Variants in CEP55 observed in about 807,000 individuals in gnomAD.
CEP55 encodes centrosomal protein of 55 kDa.
In CEP55, 57 loss-of-function variants were observed where a neutral mutation model predicts 63.2. That is an observed-to-expected ratio of 0.90 (90% CI 0.73 to 1.13). The LOEUF is 1.13. CEP55 is among the 50% of genes most tolerant of loss of function. The probability of loss-of-function intolerance (pLI) is 0.00; values close to 1 mark genes in which losing one functional copy is unlikely to be tolerated. For synonymous variants in CEP55, 178 were observed against 191.6 expected (o/e 0.93, Z 0.59); for missense variants, 456 against 518.9 (o/e 0.88, Z 1.18).
intron 3 of CEP55, among the ~76,000 whole-genome samples, chr10:93,506,205 G>A (rs1168814906): frequency 6.6e-6 from 1 of 152,082 alleles, no homozygotes; most frequent in Non-Finnish European, 1.5e-5. Context: ...CCCTCCCAAA[G>A]TGTTGGGATT....
chr10:93,497,172 G>A (rs1191231387), intron 1 of CEP55, among the ~76,000 whole-genome samples: 1 of 152,186 alleles, frequency 6.6e-6, no homozygotes, highest in Non-Finnish European at 1.5e-5. Context: ...GCTTGTAATT[G>A]AGGCCTTGTA....
intron 8 of CEP55, among the ~76,000 whole-genome samples, chr10:93,523,700 C>T (rs1333362127): frequency 6.6e-6 from 1 of 152,146 alleles, no homozygotes; most frequent in Non-Finnish European, 1.5e-5. Context: ...TAAAACACTC[C>T]TCAGCAAATG....
At chr10:93,513,590 T>C (rs918456302) in intron 4 of CEP55, among the ~76,000 whole-genome samples, 2 of 152,038 alleles carry the variant, frequency 1.3e-5, no homozygotes, top group Admixed American at 1.3e-4. Flanking sequence ...CAGATTGAAA[T>C]TAAATAGAAG....
rs72820920 is a variant in CEP55, at chr10:93,498,514, A to G, written c.-12-1526A>G. ...CTTTAACTGATGGATGAGCTACTGC[A>G]ATCTTTCACCTTATAATGGCAAAAA... On this transcript the variant is annotated intron_variant, in intron 1 of 8. Coordinates refer to ENST00000371485, the MANE Select transcript of CEP55 (RefSeq NM_018131.5). 5.0e-3 allele frequency among the ~76,000 whole-genome samples: 769 copies of G among 152,292 alleles called. 8 individuals are homozygous for G. Among genetic ancestry groups the G allele is most frequent in the Non-Finnish European group, 9.2e-3 (626 of 68,030 alleles).
At chr10:93,507,204 C>A in intron 4 of CEP55, 148 bp downstream of exon 4, 2 of 488,516 alleles carry the variant, frequency 4.1e-6, no homozygotes, top group Non-Finnish European at 3.6e-6. Context: ...ATTCGAGAAT[C>A]ATTTCTTCTA....
At chr10:93,520,120 T>C in intron 8 of CEP55, 6 of 342,552 alleles carry the variant, frequency 1.8e-5, no homozygotes, top group South Asian at 1.7e-4. Flanking sequence ...ACTGAAATTG[T>C]GTTTATCTAT....
chr10:93,519,055 G>A (rs1204354360), intron 7 of CEP55, 107 bp downstream of exon 7: 1 of 778,012 alleles, frequency 1.3e-6, no homozygotes, highest in Non-Finnish European at 2.2e-6. Context: ...TGTGAAAAGT[G>A]TCTTTAAAAG....
chr10:93,511,110 T>G (rs573222650), intron 4 of CEP55, among the ~76,000 whole-genome samples: 1 of 152,154 alleles, frequency 6.6e-6, no homozygotes, highest in East Asian at 1.9e-4. Flanking sequence ...GGCTAATTTT[T>G]TTTTATTTTT....
intron 6 of CEP55, among the ~76,000 whole-genome samples, chr10:93,517,536 T>A (rs2057817483): frequency 6.6e-6 from 1 of 152,200 alleles, no homozygotes; most frequent in African/African-American, 2.4e-5. Flanking sequence ...GGGTGACTTT[T>A]CCTCTCAATG....
rs7073952 is a variant in CEP55, at chr10:93,521,116, C to T, written c.1191+1309C>T. 5.0e-3 allele frequency among the ~76,000 whole-genome samples: 761 copies of T among 152,132 alleles called. 14 individuals are homozygous for T. The highest frequency in any genetic ancestry group is 0.018 in the African/African-American group (728 of 41,534). ...GGGGACTGTCAGACAGTGGATGCAGCGCACCGAGCGTGAACCGAAGCAGGG... is the reference window on the plus strand; with the variant it reads ...GGGGACTGTCAGACAGTGGATGCAGTGCACCGAGCGTGAACCGAAGCAGGG... On this transcript the variant is annotated intron_variant, in intron 8 of 8. Coordinates refer to ENST00000371485, the MANE Select transcript of CEP55 (RefSeq NM_018131.5).
Position 93,500,062 on chromosome 10 carries a change from G to T in CEP55, c.11G>T (p.Arg4Ile), listed in dbSNP as rs1409612743. The change falls in exon 2 of 9, where the codon AGA becomes ATA. Residue 4 changes from arginine (R) to isoleucine (I), a missense_variant. Arg to Ile is a moderately conservative substitution (Grantham distance 97). Transcript: ENST00000371485. Reference protein sequence around the residue: MSSRSTKDLIKSKW... With the variant: MSSISTKDLIKSKW... ...CAGACCATTTCAGAGATGTCTTCCA[G>T]AAGTACCAAAGATTTAATTAAAAGT... is the stretch of plus-strand genomic sequence containing the variant. The T allele has an allele frequency of 1.2e-6, 2 of 1,603,882 alleles. No individual in the cohort carries two copies. Among genetic ancestry groups the T allele is most frequent in the Non-Finnish European group, 1.7e-6 (2 of 1,176,586 alleles).
chr10:93,512,901 C>A (rs1255423376), intron 4 of CEP55, among the ~76,000 whole-genome samples: 4 of 152,130 alleles, frequency 2.6e-5, no homozygotes, highest in African/African-American at 9.7e-5. Context: ...ATTATTTTTC[C>A]CAACTTTTAT....
At chr10:93,514,835 T>C (rs367576326) in intron 4 of CEP55, among the ~76,000 whole-genome samples, 8 of 152,316 alleles carry the variant, frequency 5.3e-5, no homozygotes, top group African/African-American at 1.9e-4. Context: ...TGCAGGGGCA[T>C]GATCTCAGCT....
intron 4 of CEP55, among the ~76,000 whole-genome samples, chr10:93,513,299 A>C (rs2057770204): frequency 6.6e-6 from 1 of 152,246 alleles, no homozygotes; most frequent in Non-Finnish European, 1.5e-5. Context: ...AAATCCTTTA[A>C]GTGCCATACC....
chr10:93,519,943 T>C, intron 8 of CEP55, 136 bp downstream of exon 8: 1 of 861,582 alleles, frequency 1.2e-6, no homozygotes, highest in South Asian at 1.4e-5. Flanking sequence ...TCTGCCTCAT[T>C]TGAAGCAACT....
chr10:93,498,142 C>CA (rs59748994), intron 1 of CEP55, among the ~76,000 whole-genome samples: 2,645 of 136,720 alleles, frequency 0.019, 80 homozygotes, highest in African/African-American at 0.055. Flanking sequence ...CCGCCCCCGC[C>CA]AAAAAAAAAA....
Position 93,503,289 on chromosome 10 carries a change from C to T in CEP55, c.360C>T (p.Ala120=). The T allele has an allele frequency of 6.2e-7, 1 of 1,614,172 alleles. No homozygotes were observed. Among genetic ancestry groups the T allele is most frequent in the Non-Finnish European group, 8.5e-7 (1 of 1,180,014 alleles). ...AAAGGAGGGAGCAGGTGTTGAAAGC[C>T]TTATCTGAAGAGAAAGACGTATTGA... ...EGERREQVLK[A]LSEEKDVLKQ... The change falls in exon 3 of 9, where the codon GCC becomes GCT. Residue 120 remains alanine (A), a synonymous_variant. Transcript: ENST00000371485.
chr10:93,508,077 G>C (rs768912892), intron 4 of CEP55, among the ~76,000 whole-genome samples: 36 of 152,162 alleles, frequency 2.4e-4, no homozygotes, highest in Admixed American at 1.6e-3. Flanking sequence ...AAAAGGAAAC[G>C]TTCTTTGTAC....
At chr10:93,511,329 A>G (rs930097406) in intron 4 of CEP55, among the ~76,000 whole-genome samples, 2 of 152,172 alleles carry the variant, frequency 1.3e-5, no homozygotes, top group African/African-American at 2.4e-5. Flanking sequence ...ACAAACGTAT[A>G]GATGACACAA....
Sources: gnomAD v4.1 joint callset for allele counts (sites outside exome capture counted in the v4.1 genomes callset) on GRCh38, gnomAD v4.1.1 for gene constraint, MANE v1.5 for transcripts, NCBI Gene and HGNC (gene_info 2026-07-23, HGNC 2026-07-21) for gene names.